The following RGS9 variants were observed in gnomAD, a reference collection of about 807,000 sequenced individuals.
RGS9 encodes regulator of G protein signaling 9, also known as regulator of G-protein signalling 9.
A neutral mutation model predicts 102.0 loss-of-function variants in RGS9; 78 were observed. That is an observed-to-expected ratio of 0.76 (90% CI 0.64 to 0.92). The LOEUF (loss-of-function observed/expected upper bound fraction) is 0.92, where lower values mean the gene tolerates loss of function less well. Ranked by LOEUF, RGS9 falls within the 40% of genes least tolerant of loss-of-function variation. The pLI is 0.00. For synonymous variants in RGS9, 353 were observed against 318.6 expected (o/e 1.11, Z -1.15); for missense variants, 833 against 866.1 (o/e 0.96, Z 0.48).
In RGS9 at chr17:65,168,273, C is replaced by T. The variant is rs779441016; in HGVS notation, c.574C>T (p.Arg192Ter). The stretch of plus-strand genomic sequence containing the variant: ...GGAGAAGGCATACTGGCTGGTGCAC[C>T]GATGCCCTGTGAGTATCCTCCTGCC... ...CQEKAYWLVHRCPPGMDNVLD... is the reference protein window; with the variant it reads ...CQEKAYWLVH Residue 192 changes from arginine (R) to a stop codon, truncating the protein, a stop_gained, in exon 8 of 19, where the codon CGA becomes TGA. Coordinates refer to ENST00000262406, the MANE Select transcript of RGS9 (RefSeq NM_003835.4). LOFTEE classifies it high-confidence loss of function. 9.3e-6 allele frequency: 15 copies of T among 1,605,674 alleles called. No homozygotes were observed. The highest frequency in any genetic ancestry group is 1.3e-5 in the African/African-American group (1 of 74,748).
At chr17:65,176,081 T>C (rs1911612668) in intron 8 of RGS9, among the ~76,000 whole-genome samples, 1 of 152,214 alleles carries the variant, frequency 6.6e-6, no homozygotes, top group Admixed American at 6.5e-5. Flanking sequence ...TCTGCTTCAG[T>C]GTAGCCAACC....
At chr17:65,151,524 A>G (rs1234129869) in intron 1 of RGS9, among the ~76,000 whole-genome samples, 2 of 151,698 alleles carry the variant, frequency 1.3e-5, no homozygotes, top group Admixed American at 6.6e-5. Context: ...TTTAGCTTCA[A>G]CTCTCCCTGA....
Position 65,193,667 on chromosome 17 carries a change from T to C in RGS9, c.860+11T>C. 1 of 1,548,330 alleles carries C rather than the reference T, an allele frequency of 6.5e-7. No homozygotes were observed. The highest frequency in any genetic ancestry group is 8.9e-7 in the Non-Finnish European group (1 of 1,120,044). On this transcript the variant is annotated intron_variant, in intron 12 of 18. Coordinates refer to ENST00000262406, the MANE Select transcript of RGS9 (RefSeq NM_003835.4). The stretch of plus-strand genomic sequence containing the variant: ...CTTAAATGCCAAATTGTATGTATTT[T>C]ATATATTGGTGTTTTTTAAAAAACC...
At chr17:65,194,755 C>T (rs577620709) in intron 12 of RGS9, among the ~76,000 whole-genome samples, 6 of 152,204 alleles carry the variant, frequency 3.9e-5, no homozygotes, top group Admixed American at 1.3e-4. Context: ...GGAGAAGGGA[C>T]AGGCCTGAGT....
At chr17:65,193,281 A>G (rs1052688137) in intron 11 of RGS9, among the ~76,000 whole-genome samples, 1 of 151,872 alleles carries the variant, frequency 6.6e-6, no homozygotes, top group African/African-American at 2.4e-5. Context: ...GAAAAAAAAG[A>G]AAAAGAAATA....
At chr17:65,204,358 C>T in intron 15 of RGS9, 57 bp downstream of exon 15, 1 of 1,593,272 alleles carries the variant, frequency 6.3e-7, no homozygotes, top group African/African-American at 1.3e-5. Context: ...TCACTAAGTA[C>T]CCGGAAAATT....
At chr17:65,167,931 C>T (rs1911255881) in intron 7 of RGS9, among the ~76,000 whole-genome samples, 1 of 152,146 alleles carries the variant, frequency 6.6e-6, no homozygotes, top group South Asian at 2.1e-4. Context: ...CATTCACCCC[C>T]TCTTCATTTC....
intron 6 of RGS9, 57 bp downstream of exon 6, chr17:65,160,966 C>T (rs1256255762): frequency 7.2e-7 from 1 of 1,397,950 alleles, no homozygotes; most frequent in African/African-American, 1.4e-5. Context: ...TAGTTTTGAG[C>T]TGTACTTTCC....
intron 2 of RGS9, among the ~76,000 whole-genome samples, chr17:65,154,983 A>G (rs1567862513): frequency 6.6e-6 from 1 of 152,184 alleles, no homozygotes; most frequent in East Asian, 1.9e-4. Context: ...AGAAGAAAGG[A>G]TGCCCCCACC....
chr17:65,223,505 C>T (rs1905454682), intron 17 of RGS9, among the ~76,000 whole-genome samples: 2 of 152,374 alleles, frequency 1.3e-5, no homozygotes, highest in African/African-American at 4.8e-5. Context: ...CTTCCCTGTT[C>T]AGGCTGGGAC....
chr17:65,204,631 G>A (rs534249961), intron 15 of RGS9, among the ~76,000 whole-genome samples: 13 of 152,232 alleles, frequency 8.5e-5, no homozygotes, highest in Middle Eastern at 3.4e-3. Flanking sequence ...GACTTGCCTT[G>A]AGCCCCTCAC....
chr17:65,138,209 G>A (rs924344350), intron 1 of RGS9, among the ~76,000 whole-genome samples: 1 of 152,206 alleles, frequency 6.6e-6, no homozygotes, highest in African/African-American at 2.4e-5. Flanking sequence ...GTGGGAGGTG[G>A]AATGCACCTG....
intron 11 of RGS9, among the ~76,000 whole-genome samples, chr17:65,190,990 T>G (rs998461507): frequency 2.0e-5 from 3 of 152,176 alleles, no homozygotes; most frequent in African/African-American, 7.2e-5. Flanking sequence ...TTCAATATGT[T>G]TAAGGGTTGG....
At position 65,160,303 on chromosome 17, in the gene RGS9, C is replaced by A; in HGVS notation, c.276C>A (p.Leu92=). The change falls in exon 4 of 19, where the codon CTC becomes CTA. Residue 92 remains leucine (L), a synonymous_variant. Transcript: ENST00000262406. ...ACCCCCTGCAAGACCCCAAGAATCT[C>A]ATTCTCAAGCCTGATGGCAGCCTCT... ...YIYPLQDPKN[L]ILKPDGSLYR... 6.2e-7 allele frequency: 1 copy of A among 1,614,196 alleles called. No individual in the cohort carries two copies. The highest frequency in any genetic ancestry group is 8.5e-7 in the Non-Finnish European group (1 of 1,180,008).
At chr17:65,189,128 A>C (rs145871991) in intron 9 of RGS9, 158 bp from the exon 10 acceptor site, 126 of 666,540 alleles carry the variant, frequency 1.9e-4, no homozygotes, top group African/African-American at 1.4e-3. Flanking sequence ...GTTACATAGA[A>C]TAGAGTGGAG....
intron 17 of RGS9, among the ~76,000 whole-genome samples, chr17:65,219,943 C>T (rs924791634): frequency 1.7e-4 from 26 of 151,958 alleles, no homozygotes; most frequent in Admixed American, 1.6e-3. Context: ...TTATCATCAC[C>T]GCCATCCTCA....
chr17:65,197,245 G>T lies in RGS9; in HGVS notation c.976+4G>T, dbSNP rs1007332804. On this transcript the variant is annotated splice_donor_region_variant and intron_variant, in intron 13 of 18. Coordinates refer to ENST00000262406, the MANE Select transcript of RGS9 (RefSeq NM_003835.4). Reference sequence around the variant, plus strand: ...TTCCTCAAGAAAGAATTCAGTGGTGGGTCTTTGTTTACAAAAAAAAATTAA... The same window carrying T: ...TTCCTCAAGAAAGAATTCAGTGGTGTGTCTTTGTTTACAAAAAAAAATTAA... 44 of 1,575,358 alleles carry T rather than the reference G, an allele frequency of 2.8e-5. No homozygotes were observed. Among genetic ancestry groups the T allele is most frequent in the Non-Finnish European group, 3.8e-5 (43 of 1,146,270 alleles).
intron 18 of RGS9, 117 bp downstream of exon 18, chr17:65,225,603 G>A (rs1905630144): frequency 6.8e-7 from 1 of 1,462,702 alleles, no homozygotes; most frequent in African/African-American, 1.4e-5. Flanking sequence ...AGATACCCCA[G>A]GCAGCCCACT....
chr17:65,201,237 C>A (rs1401520034), intron 13 of RGS9, among the ~76,000 whole-genome samples: 1 of 152,142 alleles, frequency 6.6e-6, no homozygotes. Flanking sequence ...GGTTAGAGAA[C>A]CTCGAGTTGG....
Sources: gnomAD v4.1 joint callset for allele counts (sites outside exome capture counted in the v4.1 genomes callset) on GRCh38, gnomAD v4.1.1 for gene constraint, MANE v1.5 for transcripts, NCBI Gene and HGNC (gene_info 2026-07-23, HGNC 2026-07-21) for gene names.